Variants in KLRG1 observed in about 807,000 individuals in gnomAD.
The protein encoded by KLRG1 is killer cell lectin like receptor G1, also known as killer cell lectin-like receptor subfamily G member 1.
A neutral mutation model predicts 21.8 loss-of-function variants in KLRG1; 16 were observed. That is an observed-to-expected ratio of 0.73 (90% CI 0.50 to 1.11). The LOEUF (loss-of-function observed/expected upper bound fraction) is 1.11, where lower values mean the gene tolerates loss of function less well. KLRG1 is among the 50% of genes most tolerant of loss of function. The pLI is 0.00. For synonymous variants in KLRG1, 69 were observed against 75.9 expected, an observed-to-expected ratio of 0.91 and a Z score of 0.47; for missense variants, 173 against 218.3, an observed-to-expected ratio of 0.79 and a Z score of 1.31.
chr12:8,990,340 A>G (rs1379241363), intron 1 of KLRG1: 1 of 152,184 alleles, frequency 6.6e-6, no homozygotes, highest in African/African-American at 2.4e-5. Flanking sequence ...TATCTGAGAC[A>G]GACAGGTAAT....
intron 1 of KLRG1, among the ~76,000 whole-genome samples, chr12:8,951,060 T>A (rs889347421): frequency 1.3e-5 from 2 of 152,188 alleles, no homozygotes; most frequent in African/African-American, 4.8e-5. Flanking sequence ...ATTTTTTTCT[T>A]CCTGAAAATG....
At chr12:9,165,127 C>A in the KLRG1 span, 2 of 1,612,328 alleles carry the variant, frequency 1.2e-6, no homozygotes, top group Admixed American at 3.3e-5. Context: ...TGTTCACCCT[C>A]ATTTTCCTTA....
the KLRG1 span, among the ~76,000 whole-genome samples, chr12:9,073,963 C>G: frequency 6.6e-6 from 1 of 151,924 alleles, no homozygotes; most frequent in African/African-American, 2.4e-5. Flanking sequence ...TTGCACATGA[C>G]TGTAATCCTA....
At chr12:8,962,641 A>G (rs1198149119) in intron 1 of KLRG1, among the ~76,000 whole-genome samples, 1 of 151,340 alleles carries the variant, frequency 6.6e-6, no homozygotes, top group Non-Finnish European at 1.5e-5. Flanking sequence ...GCTTGAGCCC[A>G]GGAGGTGGAG....
the KLRG1 span, chr12:9,113,268 C>G: frequency 2.3e-4 from 317 of 1,400,732 alleles, 1 homozygote; most frequent in East Asian, 6.6e-3. Context: ...GCAGTTCTTA[C>G]CAACCTCCCA....
chr12:9,107,949 C>T, the KLRG1 span, among the ~76,000 whole-genome samples: 1 of 151,580 alleles, frequency 6.6e-6, no homozygotes, highest in Non-Finnish European at 1.5e-5. Flanking sequence ...AGAAACAATA[C>T]CAGCAAGACG....
At chr12:9,072,760 AT>A in the KLRG1 span, 1 of 1,614,102 alleles carries the variant, frequency 6.2e-7, no homozygotes, top group Non-Finnish European at 8.5e-7. Context: ...TCCACTTGGA[AT>A]TTGCTGGAAA....
the KLRG1 span, among the ~76,000 whole-genome samples, chr12:9,177,277 A>G: frequency 6.6e-6 from 1 of 152,206 alleles, no homozygotes; most frequent in Non-Finnish European, 1.5e-5. Flanking sequence ...CAGTTGTCAC[A>G]TTGTGGGACA....
At chr12:9,166,148 A>G in the KLRG1 span, 1 of 1,613,968 alleles carries the variant, frequency 6.2e-7, no homozygotes, top group Non-Finnish European at 8.5e-7. Flanking sequence ...TAAGGGTATC[A>G]CATTATATGT....
At chr12:9,101,598 G>A in the KLRG1 span, 1 of 1,613,996 alleles carries the variant, frequency 6.2e-7, no homozygotes, top group Non-Finnish European at 8.5e-7. Flanking sequence ...CACAAGATAA[G>A]CAGTGTGATG....
the KLRG1 span, among the ~76,000 whole-genome samples, chr12:9,214,541 A>G: frequency 6.6e-6 from 1 of 152,010 alleles, no homozygotes; most frequent in South Asian, 2.1e-4. Context: ...TAATTGGCTT[A>G]TTAATTTAAA....
chr12:9,107,030 A>G, the KLRG1 span, among the ~76,000 whole-genome samples: 1 of 152,230 alleles, frequency 6.6e-6, no homozygotes, highest in Non-Finnish European at 1.5e-5. Flanking sequence ...AGTCCTGTCC[A>G]CTTGCTATTT....
the KLRG1 span, chr12:9,072,566 T>C: frequency 6.3e-7 from 1 of 1,597,644 alleles, no homozygotes; most frequent in Non-Finnish European, 8.5e-7. Flanking sequence ...TTCTCTGATC[T>C]GTCCCATTGT....
At chr12:8,962,496 T>C (rs769717286) in intron 1 of KLRG1, among the ~76,000 whole-genome samples, 3 of 151,980 alleles carry the variant, frequency 2.0e-5, no homozygotes, top group Non-Finnish European at 4.4e-5. Context: ...AATGGATCAT[T>C]TGAGCCCAGG....
At chr12:9,091,666 T>C in the KLRG1 span, among the ~76,000 whole-genome samples, 54 of 152,336 alleles carry the variant, frequency 3.5e-4, 1 homozygote, top group East Asian at 9.6e-3. Flanking sequence ...TAGTTATAAA[T>C]TTAACATGCA....
chr12:9,079,927 G>T, the KLRG1 span: 1 of 1,110,924 alleles, frequency 9.0e-7, no homozygotes, highest in South Asian at 2.2e-5. Context: ...TAGGAAGGAT[G>T]ATTCTTCCAG....
chr12:9,073,375 A>G, the KLRG1 span, among the ~76,000 whole-genome samples: 1 of 152,336 alleles, frequency 6.6e-6, no homozygotes, highest in South Asian at 2.1e-4. Context: ...AAAGATGAGT[A>G]TTATAATTAT....
the KLRG1 span, chr12:9,111,905 C>T: frequency 1.7e-6 from 1 of 575,666 alleles, no homozygotes; most frequent in Non-Finnish European, 3.3e-6. Context: ...TCTAATTGTC[C>T]TAATTAAGAA....
chr12:9,160,879 T>C, the KLRG1 span, among the ~76,000 whole-genome samples: 6 of 150,586 alleles, frequency 4.0e-5, no homozygotes, highest in Admixed American at 2.0e-4. Flanking sequence ...CACGTCACTG[T>C]ACTCCAGCCT....
Sources: allele counts gnomAD v4.1 joint callset (sites outside exome capture counted in the v4.1 genomes callset), GRCh38; gene constraint gnomAD v4.1.1; transcripts MANE v1.5; gene names NCBI Gene and HGNC (gene_info 2026-07-23, HGNC 2026-07-21).